Variants in SGCZ observed in about 807,000 individuals in gnomAD.
SGCZ encodes the protein sarcoglycan zeta, also known as zeta-sarcoglycan.
Under a neutral mutation model 41.3 loss-of-function variants are expected in SGCZ, and 40 were observed. The ratio of observed to expected loss-of-function variants is 0.97; its 90% CI spans 0.75 to 1.26. The LOEUF is 1.26. Among genes scored for constraint, SGCZ ranks in the 50% most tolerant of loss-of-function variants. The pLI is 0.00. For synonymous variants in SGCZ, 206 were observed against 137.5 expected (o/e 1.50, Z -3.49); for missense variants, 552 against 369.8 (o/e 1.49, Z -4.04).
At chr8:14,120,136 T>A (rs775018963) in intron 5 of SGCZ, among the ~76,000 whole-genome samples, 1 of 152,156 alleles carries the variant, frequency 6.6e-6, no homozygotes, top group Non-Finnish European at 1.5e-5. Context: ...AAAGGTATTA[T>A]CATATGGAAA....
At chr8:15,046,230 C>T (rs1162368309) in intron 1 of SGCZ, among the ~76,000 whole-genome samples, 1 of 152,012 alleles carries the variant, frequency 6.6e-6, no homozygotes, top group East Asian at 1.9e-4. Context: ...ATACTCTTCA[C>T]ATATACCATG....
At position 14,176,487 on chromosome 8, in the gene SGCZ, A is replaced by G. The variant is rs144443979; in HGVS notation, c.425-11785T>C. On this transcript the variant is annotated intron_variant, in intron 4 of 7. Transcript: ENST00000382080. ...ATATTATTGTCAAAACTTGGGAAAT[A>G]TTACCAAGTCAGTACTGACAAAGAA... 1.3e-4 allele frequency among the ~76,000 whole-genome samples: 20 copies of G among 152,360 alleles called. No homozygotes were observed. In the East Asian group the frequency reaches 3.9e-3, roughly 29 times the overall value.
chr8:14,341,060 T>A (rs184167162), intron 2 of SGCZ, among the ~76,000 whole-genome samples: 7 of 152,324 alleles, frequency 4.6e-5, no homozygotes, highest in Non-Finnish European at 8.8e-5. Context: ...ATGACTTATT[T>A]AACTGTGTCT....
chr8:15,231,828 G>T (rs1801950466), intron 1 of SGCZ, among the ~76,000 whole-genome samples: 2 of 151,918 alleles, frequency 1.3e-5, no homozygotes. Flanking sequence ...CACCGTGTTG[G>T]CCAGGCTGGT....
chr8:14,781,543 A>C (rs551849187), intron 1 of SGCZ, among the ~76,000 whole-genome samples: 6 of 151,984 alleles, frequency 3.9e-5, no homozygotes, highest in Non-Finnish European at 8.8e-5. Flanking sequence ...AATATGTTTG[A>C]TTTTCATCCT....
intron 1 of SGCZ, among the ~76,000 whole-genome samples, chr8:14,961,792 T>C (rs1026821): frequency 0.048 from 7,307 of 152,040 alleles, 560 homozygotes; most frequent in African/African-American, 0.17. Context: ...ACCCCACAAG[T>C]AGTGTAAGCA....
chr8:14,222,223 T>C (rs920993777), intron 4 of SGCZ, among the ~76,000 whole-genome samples: 3 of 152,050 alleles, frequency 2.0e-5, no homozygotes, highest in East Asian at 1.9e-4. Flanking sequence ...CAGGCTGGAG[T>C]GCAGTGGCGC....
chr8:14,160,772 G>C (rs956488658), intron 5 of SGCZ, among the ~76,000 whole-genome samples: 3 of 152,082 alleles, frequency 2.0e-5, no homozygotes, highest in African/African-American at 7.2e-5. Context: ...GTAAATTCCT[G>C]CTGCTTTGTA....
At chr8:15,080,223 G>T (rs919483385) in intron 1 of SGCZ, among the ~76,000 whole-genome samples, 1 of 152,018 alleles carries the variant, frequency 6.6e-6, no homozygotes, top group African/African-American at 2.4e-5. Flanking sequence ...ATTTCCAATA[G>T]AATTTTTTTT....
chr8:14,159,973 C>T (rs1803991258), intron 5 of SGCZ, among the ~76,000 whole-genome samples: 1 of 152,114 alleles, frequency 6.6e-6, no homozygotes, highest in Non-Finnish European at 1.5e-5. Context: ...GGGAACTTGC[C>T]TAGACTTCCA....
intron 5 of SGCZ, among the ~76,000 whole-genome samples, chr8:14,156,716 T>TA (rs1429591804): frequency 1.3e-5 from 2 of 152,246 alleles, no homozygotes; most frequent in African/African-American, 4.8e-5. Context: ...AAAGTTTTTC[T>TA]AAAAAACATT....
At chr8:14,829,995 T>G (rs749567429) in intron 1 of SGCZ, among the ~76,000 whole-genome samples, 1 of 152,108 alleles carries the variant, frequency 6.6e-6, no homozygotes, top group African/African-American at 2.4e-5. Flanking sequence ...TATTTTTTAG[T>G]AGAGACGGGG....
chr8:14,972,355 A>AT (rs546254207), intron 1 of SGCZ, among the ~76,000 whole-genome samples: 45 of 150,360 alleles, frequency 3.0e-4, no homozygotes, highest in Middle Eastern at 3.4e-3. Context: ...TAGTTGATTG[A>AT]TTTTCTTTTT....
At chr8:14,541,056 T>C (rs1803451413) in intron 2 of SGCZ, among the ~76,000 whole-genome samples, 1 of 151,136 alleles carries the variant, frequency 6.6e-6, no homozygotes, top group Non-Finnish European at 1.5e-5. Context: ...CATAAGAACA[T>C]TAACATATGT....
chr8:14,443,491 C>T (rs373328391), intron 2 of SGCZ, among the ~76,000 whole-genome samples: 5,889 of 152,036 alleles, frequency 0.039, 171 homozygotes, highest in African/African-American at 0.076. Context: ...GAACAGAGCC[C>T]TCAGAAATAA....
chr8:14,834,695 C>T (rs958906420), intron 1 of SGCZ, among the ~76,000 whole-genome samples: 15 of 152,170 alleles, frequency 9.9e-5, no homozygotes, highest in African/African-American at 2.7e-4. Flanking sequence ...AGCTTTGTCA[C>T]ATAGTCCCAA....
chr8:14,157,365 AGTGTGT>A (rs1276673001), intron 5 of SGCZ, among the ~76,000 whole-genome samples: 39 of 89,436 alleles, frequency 4.4e-4, no homozygotes, highest in African/African-American at 1.3e-3. Context: ...TGTGTGTGTG[AGTGTGT>A]GTGTGTGTGT....
At chr8:14,869,753 C>T (rs1214833753) in intron 1 of SGCZ, among the ~76,000 whole-genome samples, 3 of 152,084 alleles carry the variant, frequency 2.0e-5, no homozygotes, top group African/African-American at 7.2e-5. Context: ...TCAGGATACA[C>T]AATCAATGTG....
At chr8:14,189,954 G>A (rs982154552) in intron 4 of SGCZ, among the ~76,000 whole-genome samples, 1 of 149,998 alleles carries the variant, frequency 6.7e-6, no homozygotes, top group African/African-American at 2.5e-5. Context: ...TTAGCATAAT[G>A]TCCTTTAGGT....
Sources: gnomAD v4.1 joint callset for allele counts (sites outside exome capture counted in the v4.1 genomes callset) on GRCh38, gnomAD v4.1.1 for gene constraint, MANE v1.5 for transcripts, NCBI Gene and HGNC (gene_info 2026-07-23, HGNC 2026-07-21) for gene names.